ESPNL: variants seen among roughly 807,000 people sequenced by gnomAD.
ESPNL encodes espin-like protein.
A neutral mutation model predicts 46.8 loss-of-function variants in ESPNL; 49 were observed. The ratio of observed to expected loss-of-function variants is 1.05; its 90% CI spans 0.83 to 1.33. ESPNL has a LOEUF of 1.33. ESPNL is among the 40% of genes most tolerant of loss of function. The probability of loss-of-function intolerance (pLI) is 0.00; values close to 1 mark genes in which losing one functional copy is unlikely to be tolerated. For missense variants in ESPNL, 1,540 were observed against 1,436.6 expected, an observed-to-expected ratio of 1.07 and a Z score of -1.16; for synonymous variants, 664 against 662.1, an observed-to-expected ratio of 1.00 and a Z score of -0.04.
intron 2 of ESPNL, among the ~76,000 whole-genome samples, chr2:238,103,431 AAAAAAG>A (rs909123573): frequency 1.6e-4 from 22 of 133,678 alleles, no homozygotes; most frequent in African/African-American, 7.7e-4. Flanking sequence ...CATGTCTCAA[AAAAAAG>A]AAGAAAACCA....
Position 238,125,283 on chromosome 2 carries a change from T to C in ESPNL, c.1001T>C (p.Met334Thr). ...ATTCACCCACAGGTGCCCCTGCTGA[T>C]GACGCCCCCACCACCACCGTTCCCC... is the stretch of plus-strand genomic sequence containing the variant. Reference protein sequence around the residue: ...REVAQPVPLLMTPPPPPFPPP... With the variant: ...REVAQPVPLLTTPPPPPFPPP... The change falls in exon 6 of 9, where the codon ATG becomes ACG. Residue 334 changes from methionine (M) to threonine (T), a missense_variant. Coordinates refer to ENST00000343063, the MANE Select transcript of ESPNL (RefSeq NM_194312.4). The C allele has an allele frequency of 4.6e-6, 7 of 1,523,778 alleles. No homozygotes were observed. Among genetic ancestry groups the C allele is most frequent in the Non-Finnish European group, 5.3e-6 (6 of 1,133,628 alleles). The allele number at this position is 1,523,778 out of a possible 1,614,324, so 94.4% of individuals were successfully genotyped here.
chr2:238,100,390 T>C lies in ESPNL; in HGVS notation c.-30T>C. ...GAAACAGGAAGCCCCAGCCTGTGCATGAGTCGCCACTGAGAGCCCGGGCCA... is the reference window on the plus strand; with the variant it reads ...GAAACAGGAAGCCCCAGCCTGTGCACGAGTCGCCACTGAGAGCCCGGGCCA... On this transcript the variant is annotated 5_prime_UTR_variant, in exon 1 of 9. It removes an upstream start codon present in the reference 5' UTR. Transcript: ENST00000343063. 1 of 1,563,842 alleles carries C rather than the reference T, an allele frequency of 6.4e-7. No individual in the cohort carries two copies. Among genetic ancestry groups the C allele is most frequent in the Non-Finnish European group, 8.6e-7 (1 of 1,159,180 alleles).
intron 3 of ESPNL, 69 bp downstream of exon 3, chr2:238,104,911 A>T: frequency 1.5e-6 from 2 of 1,335,954 alleles, no homozygotes; most frequent in Non-Finnish European, 2.0e-6. Context: ...CAGAGCCTGG[A>T]GCCTGGATGG....
chr2:238,124,867 G>A (rs1303919405), intron 5 of ESPNL, among the ~76,000 whole-genome samples: 2 of 152,084 alleles, frequency 1.3e-5, no homozygotes, highest in East Asian at 1.9e-4. Context: ...GCATACATGC[G>A]TGTGTGTGCA....
At position 238,100,687 on chromosome 2, in the gene ESPNL, G is replaced by A; in HGVS notation, c.268G>A (p.Val90Ile). The change falls in exon 1 of 9, where the codon GTC (valine) becomes ATC (isoleucine). Residue 90 changes from valine to isoleucine, a missense_variant. Physicochemically the swap from Val to Ile is conservative, Grantham distance 29. Transcript: ENST00000343063. ...TGSLAELCWL[V>I]REGGCGLQDQ... is the part of the protein sequence containing the mutation. ...CAGCCTGGCCGAGCTGTGCTGGCTG[G>A]TCCGCGAGGGGGGCTGCGGTCTGCA... The A allele has an allele frequency of 7.0e-7, 1 of 1,433,854 alleles. No individual in the cohort carries two copies. Among genetic ancestry groups the A allele is most frequent in the Non-Finnish European group, 9.1e-7 (1 of 1,103,534 alleles). The allele number at this position is 1,433,854 out of a possible 1,614,324, so 88.8% of individuals were successfully genotyped here.
At chr2:238,127,212 C>T (rs12479385) in intron 6 of ESPNL, among the ~76,000 whole-genome samples, 82,250 of 152,104 alleles carry the variant, frequency 0.54, 24,219 homozygotes, top group African/African-American at 0.78. Context: ...GTCTGCCTGG[C>T]TGTGATGCAG....
At chr2:238,126,136 CTG>C (rs1268388241) in intron 6 of ESPNL, among the ~76,000 whole-genome samples, 1 of 146,020 alleles carries the variant, frequency 6.8e-6, no homozygotes, top group Admixed American at 6.8e-5. Context: ...GTGTCTGTGT[CTG>C]TGTGATTGTG....
intron 4 of ESPNL, among the ~76,000 whole-genome samples, chr2:238,108,988 C>T (rs1251316687): frequency 6.6e-6 from 1 of 152,232 alleles, no homozygotes; most frequent in Non-Finnish European, 1.5e-5. Flanking sequence ...CCCCCAGCTA[C>T]CGCCCTTCCT....
chr2:238,122,946 T>C (rs182262572), intron 5 of ESPNL, among the ~76,000 whole-genome samples: 39 of 152,334 alleles, frequency 2.6e-4, no homozygotes, highest in Admixed American at 1.3e-3. Flanking sequence ...AGCCTCTCGC[T>C]ATGTCTTGAA....
chr2:238,116,899 G>A lies in ESPNL; in HGVS notation c.856-4G>A, dbSNP rs1241518566. Reference sequence around the variant, plus strand: ...GGGTCACATGTGTGCCCTCCTCACTGCAGTGCTGCCAGACCCTAGTCTCCC... The same window carrying A: ...GGGTCACATGTGTGCCCTCCTCACTACAGTGCTGCCAGACCCTAGTCTCCC... On this transcript the variant is annotated splice_region_variant and splice_polypyrimidine_tract_variant and intron_variant, in intron 4 of 8. Transcript: ENST00000343063. The A allele has an allele frequency of 1.2e-6, 2 of 1,612,232 alleles. No individual in the cohort carries two copies. The highest frequency in any genetic ancestry group is 8.5e-7 in the Non-Finnish European group (1 of 1,179,596).
At chr2:238,124,297 C>A (rs931047747) in intron 5 of ESPNL, among the ~76,000 whole-genome samples, 4 of 152,204 alleles carry the variant, frequency 2.6e-5, no homozygotes, top group African/African-American at 9.7e-5. Flanking sequence ...GTCTGACAGG[C>A]ACAGTGGGGG....
rs201940754 is a variant in ESPNL at position 238,118,415 on chromosome 2, AG to A, written c.987+1384del. ...GTGGATGGAAGAGGGTGGACGGAGG[AG>A]GGTGGATGGAGGAGGAATGGATGGA... On this transcript the variant is annotated intron_variant, in intron 5 of 8. Transcript: ENST00000343063. Among the ~76,000 whole-genome samples, 331 of 94,826 alleles carry A rather than the reference AG, an allele frequency of 3.5e-3. 37 individuals are homozygous for A. Among genetic ancestry groups the A allele is most frequent in the East Asian group, 0.016 (32 of 1,968 alleles). 62.2% of individuals were successfully genotyped at this position (94,826 alleles called of 152,430 possible). A position where few individuals can be genotyped will look rare whatever the true frequency, so the allele number is the denominator to read the frequency against.
At chr2:238,115,203 C>T (rs1219164232) in intron 4 of ESPNL, among the ~76,000 whole-genome samples, 1 of 152,182 alleles carries the variant, frequency 6.6e-6, no homozygotes, top group Non-Finnish European at 1.5e-5. Flanking sequence ...CCCCTGGTGG[C>T]GCTGTGGCCT....
At position 238,117,092 on chromosome 2, in the gene ESPNL, C is replaced by T. The variant is rs907518882; in HGVS notation, c.987+58C>T. The T allele has an allele frequency of 5.2e-6, 8 of 1,545,190 alleles. No individual in the cohort carries two copies. In the African/African-American group the frequency reaches 9.5e-5, roughly 18 times the overall value. ...CATGGGGGGTGGGCCCAGACCCCAG[C>T]CAGGACCCCACTGCTGAACCTGCAG... On this transcript the variant is annotated intron_variant, in intron 5 of 8. Coordinates refer to ENST00000343063, the MANE Select transcript of ESPNL (RefSeq NM_194312.4).
rs201635024 is a variant in ESPNL, at chr2:238,130,657, G to A, written c.1943G>A (p.Trp648Ter). 3.2e-6 allele frequency: 5 copies of A among 1,561,200 alleles called. No homozygotes were observed. In the South Asian group the frequency reaches 4.7e-5, roughly 15 times the overall value. The change falls in exon 9 of 9, where the codon TGG becomes TAG. Residue 648 changes from tryptophan (W) to a stop codon, truncating the protein, a stop_gained. Coordinates refer to ENST00000343063, the MANE Select transcript of ESPNL (RefSeq NM_194312.4). LOFTEE classifies it low-confidence loss of function (END_TRUNC). ...GAGGCCCAGCGCCAGATCCAGGAGT[G>A]GGGGGTGTCTGTGCGGACGCTGCGG... ...RSEAQRQIQEWGVSVRTLRGN... is the reference protein window; with the variant it reads ...RSEAQRQIQE
At chr2:238,105,315 T>G (rs1420073692) in intron 3 of ESPNL, among the ~76,000 whole-genome samples, 2 of 151,744 alleles carry the variant, frequency 1.3e-5, no homozygotes, top group East Asian at 3.9e-4. Flanking sequence ...TGGCTGAGGT[T>G]GGGGAGGTGC....
intron 7 of ESPNL, 75 bp downstream of exon 7, chr2:238,127,809 A>T: frequency 1.7e-6 from 2 of 1,169,842 alleles, no homozygotes; most frequent in Non-Finnish European, 2.5e-6. Flanking sequence ...TTAGGGGCCC[A>T]GAGAAGCCCC....
intron 4 of ESPNL, among the ~76,000 whole-genome samples, chr2:238,110,111 A>T (rs4663286): frequency 8.6e-5 from 2 of 23,198 alleles, no homozygotes; most frequent in East Asian, 1.3e-3. Context: ...ATCCCATTTA[A>T]GGTGCCATAT....
At position 238,131,863 on chromosome 2, in the gene ESPNL, A is replaced by G; in HGVS notation, c.*131A>G. 1 of 979,136 alleles carries G rather than the reference A, an allele frequency of 1.0e-6. No individual in the cohort carries two copies. The highest frequency in any genetic ancestry group is 1.5e-6 in the Non-Finnish European group (1 of 653,928). 60.7% of individuals were successfully genotyped at this position (979,136 alleles called of 1,614,324 possible). On this transcript the variant is annotated 3_prime_UTR_variant, in exon 9 of 9. Coordinates refer to ENST00000343063, the MANE Select transcript of ESPNL (RefSeq NM_194312.4). The stretch of plus-strand genomic sequence containing the variant: ...TGCCTCCAGTCCTACCAGTTATCGG[A>G]GGCTGCGGGACTGTTCTGTTGTGGC...
Sources: gnomAD v4.1 joint callset for allele counts (sites outside exome capture counted in the v4.1 genomes callset) on GRCh38, gnomAD v4.1.1 for gene constraint, MANE v1.5 for transcripts, NCBI Gene and HGNC (gene_info 2026-07-23, HGNC 2026-07-21) for gene names.